Variants in CRK observed in about 807,000 individuals in gnomAD.
CRK encodes the protein CRK proto-oncogene, adaptor protein.
In CRK, 4 loss-of-function variants were observed where a neutral mutation model predicts 29.8. The observed-to-expected ratio is 0.13, with a 90% CI of 0.07 to 0.31. CRK has a LOEUF of 0.31. CRK is among the 10% of genes least tolerant of loss of function. The pLI is 1.00. For missense variants in CRK, 274 were observed against 396.5 expected (o/e 0.69, Z 2.62); for synonymous variants, 153 against 164.9 (o/e 0.93, Z 0.55).
intron 2 of CRK, among the ~76,000 whole-genome samples, chr17:1,431,591 G>A (rs1343681059): frequency 6.6e-6 from 1 of 152,000 alleles, no homozygotes; most frequent in East Asian, 1.9e-4. Context: ...GAAACTTGGT[G>A]TACTAGTTTT....
intron 1 of CRK, among the ~76,000 whole-genome samples, chr17:1,447,229 A>C (rs1290952862): frequency 6.6e-6 from 1 of 152,206 alleles, no homozygotes; most frequent in Non-Finnish European, 1.5e-5. Context: ...AAGGAGGCAC[A>C]GTCAGCCAGT....
chr17:1,427,899 C>T (rs577308466), intron 2 of CRK, among the ~76,000 whole-genome samples: 1 of 152,026 alleles, frequency 6.6e-6, no homozygotes, highest in East Asian at 2.0e-4. Flanking sequence ...TCCCAAAGTG[C>T]TGGAATTACA....
intron 1 of CRK, among the ~76,000 whole-genome samples, chr17:1,445,409 C>T (rs1283190838): frequency 1.3e-5 from 2 of 152,176 alleles, no homozygotes; most frequent in Non-Finnish European, 2.9e-5. Flanking sequence ...ATTTAAGACA[C>T]TGAAAGGGGT....
intron 2 of CRK, among the ~76,000 whole-genome samples, chr17:1,427,681 G>A (rs1202606211): frequency 6.6e-6 from 1 of 151,878 alleles, no homozygotes; most frequent in Non-Finnish European, 1.5e-5. Flanking sequence ...CCAGGCTGGA[G>A]TGCAGTGACG....
intron 1 of CRK, among the ~76,000 whole-genome samples, chr17:1,439,369 T>C (rs1315735055): frequency 6.6e-6 from 1 of 152,112 alleles, no homozygotes; most frequent in Non-Finnish European, 1.5e-5. Context: ...AGTGCTGGGA[T>C]TGATTACAGG....
intron 2 of CRK, among the ~76,000 whole-genome samples, chr17:1,436,332 A>T (rs1403242988): frequency 2.6e-5 from 4 of 152,208 alleles, no homozygotes; most frequent in African/African-American, 9.6e-5. Flanking sequence ...GATGAGGAAA[A>T]ACATTTGAGG....
At chr17:1,439,278 TA>T (rs960858675) in intron 1 of CRK, among the ~76,000 whole-genome samples, 20 of 152,112 alleles carry the variant, frequency 1.3e-4, no homozygotes, top group African/African-American at 4.8e-4. Flanking sequence ...TTTGTATTTT[TA>T]ATAGAGACGG....
intron 2 of CRK, among the ~76,000 whole-genome samples, chr17:1,425,867 G>C (rs989535132): frequency 2.6e-5 from 4 of 152,160 alleles, no homozygotes; most frequent in African/African-American, 9.7e-5. Context: ...AGGGGATAGA[G>C]AGACACATAA....
intron 2 of CRK, among the ~76,000 whole-genome samples, chr17:1,433,554 T>G (rs1863158659): frequency 7.3e-6 from 1 of 136,660 alleles, no homozygotes; most frequent in South Asian, 2.4e-4. Context: ...GTTTCACTCT[T>G]GTTGCCCAGG....
chr17:1,441,737 A>G (rs1031307538), intron 1 of CRK, among the ~76,000 whole-genome samples: 1 of 150,014 alleles, frequency 6.7e-6, no homozygotes, highest in Non-Finnish European at 1.5e-5. Context: ...TGATCCATCC[A>G]CCTCGGCCTC....
chr17:1,439,031 A>C (rs2073912758), intron 1 of CRK, among the ~76,000 whole-genome samples: 1 of 151,676 alleles, frequency 6.6e-6, no homozygotes, highest in African/African-American at 2.4e-5. Flanking sequence ...ATGGGGTTTC[A>C]CCACGTTGCC....
intron 1 of CRK, among the ~76,000 whole-genome samples, chr17:1,437,713 G>A (rs1307987827): frequency 6.6e-6 from 1 of 151,720 alleles, no homozygotes; most frequent in East Asian, 1.9e-4. Flanking sequence ...GAGTGTAGTG[G>A]CGTGATCTCT....
intron 1 of CRK, among the ~76,000 whole-genome samples, chr17:1,450,285 G>A (rs949758825): frequency 6.6e-6 from 1 of 152,004 alleles, no homozygotes; most frequent in Non-Finnish European, 1.5e-5. Context: ...AAGGTGGGCG[G>A]ATCACGAGGT....
At chr17:1,436,588 T>C (rs779111233) in intron 2 of CRK, 32 bp downstream of exon 2, 3 of 1,557,502 alleles carry the variant, frequency 1.9e-6, no homozygotes, top group Admixed American at 2.0e-5. Flanking sequence ...CTGCAGCAGA[T>C]CTCTTCTTTC....
intron 1 of CRK, among the ~76,000 whole-genome samples, chr17:1,448,645 A>AAAAAAAAAC (rs2073994291): frequency 8.5e-6 from 1 of 117,854 alleles, no homozygotes; most frequent in Admixed American, 9.1e-5. Flanking sequence ...AAAAAAAAGA[A>AAAAAAAAAC]AAAGTGGCTC....
intron 1 of CRK, among the ~76,000 whole-genome samples, chr17:1,449,099 A>T (rs938306490): frequency 1.3e-5 from 2 of 152,158 alleles, no homozygotes; most frequent in Non-Finnish European, 2.9e-5. Flanking sequence ...TCGAGGGAGT[A>T]TCACAAACTA....
At chr17:1,443,749 G>C (rs1250267302) in intron 1 of CRK, among the ~76,000 whole-genome samples, 1 of 148,356 alleles carries the variant, frequency 6.7e-6, no homozygotes, top group Non-Finnish European at 1.5e-5. Flanking sequence ...GCCCAGGCTG[G>C]AGTGCAGTGG....
chr17:1,431,136 T>C (rs896855253), intron 2 of CRK, among the ~76,000 whole-genome samples: 13 of 152,184 alleles, frequency 8.5e-5, no homozygotes, highest in Admixed American at 6.6e-5. Context: ...CTGAAACGTT[T>C]AGAGCACATG....
intron 1 of CRK, among the ~76,000 whole-genome samples, chr17:1,445,652 G>T (rs149557518): frequency 6.6e-6 from 1 of 152,288 alleles, no homozygotes; most frequent in Admixed American, 6.5e-5. Context: ...ATCACCATTA[G>T]GCTAATTCTG....
Sources: gnomAD v4.1 joint callset for allele counts (sites outside exome capture counted in the v4.1 genomes callset) on GRCh38, gnomAD v4.1.1 for gene constraint, MANE v1.5 for transcripts, NCBI Gene and HGNC (gene_info 2026-07-23, HGNC 2026-07-21) for gene names.